The following SLC25A21 variants were observed in gnomAD, a reference collection of about 807,000 sequenced individuals.
The protein encoded by SLC25A21 is solute carrier family 25 member 21, also known as mitochondrial 2-oxodicarboxylate carrier.
SLC25A21 carries 47 observed loss-of-function variants against 43.8 expected under a neutral mutation model. That is an observed-to-expected ratio of 1.07 (90% CI 0.85 to 1.37). The LOEUF (loss-of-function observed/expected upper bound fraction) is 1.37. Among genes scored for constraint, SLC25A21 ranks in the 40% most tolerant of loss-of-function variants. The pLI is 0.00. For synonymous variants in SLC25A21, 131 were observed against 121.3 expected (o/e 1.08, Z -0.52); for missense variants, 352 against 350.2 (o/e 1.00, Z -0.04).
At chr14:36,858,392 C>T (rs1328822449) in intron 2 of SLC25A21, among the ~76,000 whole-genome samples, 2 of 152,136 alleles carry the variant, frequency 1.3e-5, no homozygotes, top group Non-Finnish European at 2.9e-5. Context: ...CAGAAAGTGT[C>T]GGCCTCAATT....
intron 1 of SLC25A21, among the ~76,000 whole-genome samples, chr14:36,997,834 C>T (rs927543578): frequency 7.0e-6 from 1 of 142,336 alleles, no homozygotes; most frequent in African/African-American, 2.6e-5. Flanking sequence ...AAAAAAAAAA[C>T]AACTCTATTA....
chr14:37,156,883 T>C (rs1337371744), intron 1 of SLC25A21, among the ~76,000 whole-genome samples: 1 of 152,096 alleles, frequency 6.6e-6, no homozygotes, highest in Non-Finnish European at 1.5e-5. Flanking sequence ...CTACACAAAA[T>C]ATCAACAAAG....
chr14:37,109,622 T>G (rs1962982114), intron 1 of SLC25A21, among the ~76,000 whole-genome samples: 1 of 152,202 alleles, frequency 6.6e-6, no homozygotes, highest in South Asian at 2.1e-4. Flanking sequence ...AATGATGTTG[T>G]GCAGTCAGGA....
chr14:36,994,816 T>C (rs1419908447), intron 1 of SLC25A21, among the ~76,000 whole-genome samples: 1 of 152,192 alleles, frequency 6.6e-6, no homozygotes, highest in Non-Finnish European at 1.5e-5. Context: ...AAACGTGGCA[T>C]TAAACCAATG....
chr14:36,736,782 A>C (rs1260159844), intron 3 of SLC25A21, among the ~76,000 whole-genome samples: 2 of 152,260 alleles, frequency 1.3e-5, no homozygotes, highest in African/African-American at 4.8e-5. Context: ...AAATATGGTG[A>C]ACATGATGGA....
At chr14:37,061,769 A>G (rs1461991618) in intron 1 of SLC25A21, among the ~76,000 whole-genome samples, 1 of 152,236 alleles carries the variant, frequency 6.6e-6, no homozygotes, top group Admixed American at 6.5e-5. Flanking sequence ...TTATTGCATT[A>G]TTATAATGAA....
At chr14:37,160,742 C>A (rs1963925421) in intron 1 of SLC25A21, among the ~76,000 whole-genome samples, 1 of 151,732 alleles carries the variant, frequency 6.6e-6, no homozygotes, top group Non-Finnish European at 1.5e-5. Flanking sequence ...CCAGCCTGGC[C>A]AACATGGTGA....
At chr14:36,861,440 T>A (rs904738659) in intron 2 of SLC25A21, among the ~76,000 whole-genome samples, 2 of 152,218 alleles carry the variant, frequency 1.3e-5, no homozygotes, top group Non-Finnish European at 2.9e-5. Context: ...GGTTCTAAGG[T>A]TCAGCTCACA....
intron 1 of SLC25A21, among the ~76,000 whole-genome samples, chr14:36,964,119 A>C (rs955924048): frequency 1.2e-4 from 19 of 152,228 alleles, no homozygotes; most frequent in African/African-American, 4.6e-4. Flanking sequence ...AATACTAATT[A>C]TCATGGATTC....
At chr14:36,753,925 G>GAGAGAGAGAGAA in intron 3 of SLC25A21, among the ~76,000 whole-genome samples, 1 of 104,546 alleles carries the variant, frequency 9.6e-6, no homozygotes, top group African/African-American at 6.4e-5. Context: ...GGGACAGAGA[G>GAGAGAGAGAGAA]AGAGAGAGAG....
chr14:36,840,489 G>A (rs117750039), intron 2 of SLC25A21, among the ~76,000 whole-genome samples: 2 of 152,180 alleles, frequency 1.3e-5, no homozygotes, highest in East Asian at 1.9e-4. Flanking sequence ...AAACAAAAAC[G>A]TTTCCCCCAA....
chr14:36,729,857 C>T (rs1313006921), intron 4 of SLC25A21, among the ~76,000 whole-genome samples: 1 of 152,166 alleles, frequency 6.6e-6, no homozygotes, highest in Non-Finnish European at 1.5e-5. Flanking sequence ...TTTCCCCAGA[C>T]ATCAATATAT....
chr14:37,089,164 AT>A (rs1390575075), intron 1 of SLC25A21, among the ~76,000 whole-genome samples: 1 of 152,162 alleles, frequency 6.6e-6, no homozygotes, highest in Non-Finnish European at 1.5e-5. Flanking sequence ...ATGTGCATAA[AT>A]TAAAAAAGAA....
chr14:36,904,346 A>G (rs1273857781), intron 1 of SLC25A21, among the ~76,000 whole-genome samples: 1 of 152,224 alleles, frequency 6.6e-6, no homozygotes, highest in Non-Finnish European at 1.5e-5. Context: ...TAAGGGTAAG[A>G]AAATTATAAA....
At chr14:36,868,041 T>G (rs559124028) in intron 2 of SLC25A21, among the ~76,000 whole-genome samples, 1 of 151,506 alleles carries the variant, frequency 6.6e-6, no homozygotes, top group Non-Finnish European at 1.5e-5. Context: ...GGCTATCTAG[T>G]GCCAAATGAG....
chr14:37,157,042 T>A (rs1039983788), intron 1 of SLC25A21, among the ~76,000 whole-genome samples: 5 of 152,044 alleles, frequency 3.3e-5, no homozygotes, highest in African/African-American at 1.2e-4. Context: ...ACAACACAAG[T>A]CACAACAAAT....
intron 3 of SLC25A21, among the ~76,000 whole-genome samples, chr14:36,782,941 T>TATAC (rs1212706080): frequency 9.0e-5 from 11 of 122,572 alleles, no homozygotes; most frequent in African/African-American, 3.0e-4. Context: ...ACCCTAAAAC[T>TATAC]TAAAGTATAA....
intron 1 of SLC25A21, among the ~76,000 whole-genome samples, chr14:36,949,331 C>A (rs957501832): frequency 6.6e-6 from 1 of 152,162 alleles, no homozygotes; most frequent in Non-Finnish European, 1.5e-5. Context: ...CCAAGGCATG[C>A]CTCTTATATA....
chr14:36,796,810 G>A (rs914924811), intron 3 of SLC25A21, among the ~76,000 whole-genome samples: 4 of 152,152 alleles, frequency 2.6e-5, no homozygotes, highest in African/African-American at 7.2e-5. Context: ...ATGTTCACAC[G>A]TCGGCTTTGT....
Sources: allele counts gnomAD v4.1 joint callset (sites outside exome capture counted in the v4.1 genomes callset), GRCh38; gene constraint gnomAD v4.1.1; transcripts MANE v1.5; gene names NCBI Gene and HGNC (gene_info 2026-07-23, HGNC 2026-07-21).